Variants in CHST5 observed in about 807,000 individuals in gnomAD.
The protein encoded by CHST5 is GST4-alpha.
For missense variants in CHST5, 637 were observed against 602.1 expected (o/e 1.06, Z -0.61); for synonymous variants, 313 against 279.2 (o/e 1.12, Z -1.21).
chr16:75,530,396 A>G lies in CHST5; in HGVS notation c.-12T>C, dbSNP rs1420886235. 6 of 1,510,320 alleles carry G rather than the reference A, an allele frequency of 4.0e-6. No individual in the cohort carries two copies. Among genetic ancestry groups the G allele is most frequent in the Admixed American group, 4.3e-5 (2 of 46,698 alleles). The allele number at this position is 1,510,320 out of a possible 1,614,324, so 93.6% of individuals were successfully genotyped here. ...GCCCTCATGCCCATCCCATGCCCCAATTACTGCCCAGTGCCCTCAGGGATC... is the reference window on the plus strand; with the variant it reads ...GCCCTCATGCCCATCCCATGCCCCAGTTACTGCCCAGTGCCCTCAGGGATC... On this transcript the variant is annotated 5_prime_UTR_variant, in exon 4 of 4. Transcript: ENST00000336257.
At chr16:75,533,218 A>G (rs1248692403) in intron 2 of CHST5, 35 bp from the exon 3 acceptor site, 5 of 702,258 alleles carry the variant, frequency 7.1e-6, no homozygotes, top group Non-Finnish European at 1.3e-5. Context: ...ACAGTGGACA[A>G]TTGGCCAAGG....
Position 75,535,187 on chromosome 16 carries a change from G to A in CHST5, c.-1412C>T, listed in dbSNP as rs1398298055. On this transcript the variant is annotated 5_prime_UTR_variant, in exon 2 of 4. Coordinates refer to ENST00000336257, the MANE Select transcript of CHST5 (RefSeq NM_024533.5). Reference sequence around the variant, plus strand: ...CAGCCAGAGGGACGCCTCTCCCCCTGGGCTCAGCAAAAGCTCCCAGACGTC... The same window carrying A: ...CAGCCAGAGGGACGCCTCTCCCCCTAGGCTCAGCAAAAGCTCCCAGACGTC... 1 of 152,324 alleles carries A rather than the reference G, an allele frequency of 6.6e-6. No individual in the cohort carries two copies. The highest frequency in any genetic ancestry group is 2.4e-5 in the African/African-American group (1 of 41,454). 9.4% of individuals were successfully genotyped at this position (152,324 alleles called of 1,614,324 possible).
chr16:75,534,713 C>G (rs1406819204), intron 2 of CHST5, among the ~76,000 whole-genome samples: 2 of 152,202 alleles, frequency 1.3e-5, no homozygotes. Context: ...CCCAGAGGGC[C>G]TTTCCTAAAG....
In CHST5 at chr16:75,529,361, G is replaced by A. The variant is rs1469638509; in HGVS notation, c.1024C>T (p.His342Tyr). ...TTGCGCGCATTCCTAGACGAAGTAT[G>A]GAAGGCCTCGATTGGCTTGCCGATC... ...SGIGKPIEAF[H>Y]TSSRNARNVS... The change falls in exon 4 of 4, where the codon CAT (histidine) becomes TAT (tyrosine). Residue 342 changes from histidine to tyrosine, a missense_variant. Coordinates refer to ENST00000336257, the MANE Select transcript of CHST5 (RefSeq NM_024533.5). 1 of 1,613,236 alleles carries A rather than the reference G, an allele frequency of 6.2e-7. No individual in the cohort carries two copies. Among genetic ancestry groups the A allele is most frequent in the African/African-American group, 1.3e-5 (1 of 75,068 alleles).
rs371668265 is a variant in CHST5 at position 75,530,208 on chromosome 16, G to A, written c.177C>T (p.Gly59=). ...GCACCAGCACGTGCACACGATCCTC[G>A]CCGCCGGCTGGGGATGAGGGCCCTG... ...SRPGPSSPAG[G]EDRVHVLVLS... is the part of the protein sequence containing the mutation. The change falls in exon 4 of 4, where the codon GGC becomes GGT. Residue 59 remains glycine, a synonymous_variant. Transcript: ENST00000336257. 6.0e-5 allele frequency: 97 copies of A among 1,613,542 alleles called. No individual in the cohort carries two copies. Among genetic ancestry groups the A allele is most frequent in the Non-Finnish European group, 7.5e-5 (88 of 1,179,990 alleles).
rs1435529618 is a variant in CHST5 at position 75,530,412 on chromosome 16, C to T, written c.-28G>A. Reference sequence around the variant, plus strand: ...CATGCCCCAATTACTGCCCAGTGCCCTCAGGGATCAGCCCTCAGATTCGGC... The same window carrying T: ...CATGCCCCAATTACTGCCCAGTGCCTTCAGGGATCAGCCCTCAGATTCGGC... On this transcript the variant is annotated 5_prime_UTR_variant, in exon 4 of 4. Coordinates refer to ENST00000336257, the MANE Select transcript of CHST5 (RefSeq NM_024533.5). 9.4e-6 allele frequency: 14 copies of T among 1,488,676 alleles called. No homozygotes were observed. The highest frequency in any genetic ancestry group is 1.3e-5 in the Non-Finnish European group (14 of 1,115,798). 92.2% of individuals were successfully genotyped at this position (1,488,676 alleles called of 1,614,324 possible). A position where few individuals can be genotyped will look rare whatever the true frequency, so the allele number is the denominator to read the frequency against.
intron 2 of CHST5, among the ~76,000 whole-genome samples, 195 bp from the exon 3 acceptor site, chr16:75,533,378 C>T (rs772727164): frequency 6.6e-6 from 1 of 152,106 alleles, no homozygotes; most frequent in Admixed American, 6.6e-5. Context: ...GACATTAATA[C>T]CCAGTAAGAA....
intron 1 of CHST5, among the ~76,000 whole-genome samples, 109 bp downstream of exon 1, chr16:75,535,935 T>A (rs2080558314): frequency 6.6e-6 from 1 of 152,144 alleles, no homozygotes; most frequent in South Asian, 2.1e-4. Context: ...GGAAGTCGAA[T>A]CTTAATCTTG....
Position 75,529,534 on chromosome 16 carries a change from G to C in CHST5, c.851C>G (p.Pro284Arg). ...CAGGCGGTAGCGGCCGCGCAGGAAG[G>C]GTGGCGGCTTGAGTGTGGCGGCCTC... ...IAEAATLKPP[P>R]FLRGRYRLVR... is the part of the protein sequence containing the mutation. Residue 284 changes from proline to arginine, a missense_variant, in exon 4 of 4, where the codon CCC (proline) becomes CGC (arginine). Transcript: ENST00000336257. 1 of 1,610,088 alleles carries C rather than the reference G, an allele frequency of 6.2e-7. No homozygotes were observed. The highest frequency in any genetic ancestry group is 1.3e-5 in the African/African-American group (1 of 75,032).
intron 2 of CHST5, among the ~76,000 whole-genome samples, chr16:75,534,676 T>C (rs1368206480): frequency 2.0e-5 from 3 of 152,070 alleles, no homozygotes; most frequent in African/African-American, 7.2e-5. Context: ...AAAAAAACAT[T>C]TCCTAGGCAC....
Position 75,529,334 on chromosome 16 carries a change from C to T in CHST5, c.1051G>A (p.Val351Ile). 1 of 1,613,172 alleles carries T rather than the reference C, an allele frequency of 6.2e-7. No individual in the cohort carries two copies. Residue 351 changes from valine (V) to isoleucine (I), a missense_variant, in exon 4 of 4, where the codon GTC becomes ATC. Physicochemically the swap from Val to Ile is conservative, Grantham distance 29. Coordinates refer to ENST00000336257, the MANE Select transcript of CHST5 (RefSeq NM_024533.5). Reference sequence around the variant, plus strand: ...AACGCGTGGCGCCAGGCCTGGGAGACGTTGCGCGCATTCCTAGACGAAGTA... The same window carrying T: ...AACGCGTGGCGCCAGGCCTGGGAGATGTTGCGCGCATTCCTAGACGAAGTA... The part of the protein sequence containing the change: ...FHTSSRNARN[V>I]SQAWRHALPF...
chr16:75,529,705 C>T lies in CHST5; in HGVS notation c.680G>A (p.Arg227Gln). The change falls in exon 4 of 4, where the codon CGG (arginine) becomes CAG (glutamine). Residue 227 changes from arginine to glutamine, a missense_variant. Coordinates refer to ENST00000336257, the MANE Select transcript of CHST5 (RefSeq NM_024533.5). The stretch of plus-strand genomic sequence containing the variant: ...CGCCTCCCGGGAGCGCAGCACGGCC[C>T]GCGGGTCGCGCACCAGGTGCACGAT... ...LRIVHLVRDP[R>Q]AVLRSREAAG... 10 of 1,611,372 alleles carry T rather than the reference C, an allele frequency of 6.2e-6. No homozygotes were observed. Among genetic ancestry groups the T allele is most frequent in the South Asian group, 1.1e-5 (1 of 90,992 alleles).
rs1195389904 is a variant in CHST5 at position 75,529,144 on chromosome 16, A to G, written c.*5T>C. On this transcript the variant is annotated 3_prime_UTR_variant, in exon 4 of 4. Transcript: ENST00000336257. ...GTTCGGGGCCTGCTCTAAGGCCCAG[A>G]GTTCTCAGTCAGGCGATGCCCAGCT... is the stretch of plus-strand genomic sequence containing the variant. 6.4e-7 allele frequency: 1 copy of G among 1,562,812 alleles called. No homozygotes were observed. The highest frequency in any genetic ancestry group is 1.8e-5 in the Admixed American group (1 of 55,096).
rs1424765396 is a variant in CHST5, at chr16:75,531,558, C to A, written c.-1174G>T. On this transcript the variant is annotated 5_prime_UTR_variant, in exon 4 of 4. Coordinates refer to ENST00000336257, the MANE Select transcript of CHST5 (RefSeq NM_024533.5). ...AGGTGAGAGCAGAGTACTGTCCTGG[C>A]CAGCTGAGGGGACTCACCACCGTCC... 7.7e-7 allele frequency: 1 copy of A among 1,303,606 alleles called. No individual in the cohort carries two copies. The highest frequency in any genetic ancestry group is 1.2e-5 in the South Asian group (1 of 80,988). The allele number at this position is 1,303,606 out of a possible 1,614,324, so 80.8% of individuals were successfully genotyped here.
chr16:75,533,108 G>C lies in CHST5; in HGVS notation c.-1276C>G. The C allele has an allele frequency of 1.4e-6, 1 of 702,152 alleles. No homozygotes were observed. The highest frequency in any genetic ancestry group is 1.5e-5 in the South Asian group (1 of 67,542). 43.5% of individuals were successfully genotyped at this position (702,152 alleles called of 1,614,324 possible). On this transcript the variant is annotated 5_prime_UTR_variant, in exon 3 of 4. Transcript: ENST00000336257. ...TGTTACCTGTGTTCCAGGAAAGCCA[G>C]AGGTCTTCTTAAGGTGGTTGAATCA...
intron 2 of CHST5, among the ~76,000 whole-genome samples, chr16:75,534,336 G>GA (rs1396643061): frequency 6.6e-6 from 1 of 151,624 alleles, no homozygotes; most frequent in Admixed American, 6.6e-5. Context: ...GACCCCATCT[G>GA]AAAAAACAAA....
rs2080484061 is a variant in CHST5 at position 75,528,838 on chromosome 16, G to A, written c.*311C>T. On this transcript the variant is annotated 3_prime_UTR_variant, in exon 4 of 4. Coordinates refer to ENST00000336257, the MANE Select transcript of CHST5 (RefSeq NM_024533.5). ...GCTGGGATTACAGGCATGAGCCACC[G>A]CACCCGGCCTGGCACACATTTAATT... The A allele has an allele frequency of 4.2e-6, 1 of 239,476 alleles. No individual in the cohort carries two copies. Among genetic ancestry groups the A allele is most frequent in the Non-Finnish European group, 8.1e-6 (1 of 123,478 alleles). 14.8% of individuals were successfully genotyped at this position (239,476 alleles called of 1,614,324 possible).
Position 75,531,503 on chromosome 16 carries a change from G to A in CHST5, c.-1119C>T. On this transcript the variant is annotated 5_prime_UTR_variant, in exon 4 of 4. Transcript: ENST00000336257. ...GGGTTTGCAAGAAGATCAGTTGATGGGGAGCTGGGATGGAGCCCAAGAAGC... is the reference window on the plus strand; with the variant it reads ...GGGTTTGCAAGAAGATCAGTTGATGAGGAGCTGGGATGGAGCCCAAGAAGC... 7.7e-7 allele frequency: 1 copy of A among 1,296,454 alleles called. No individual in the cohort carries two copies. The highest frequency in any genetic ancestry group is 5.6e-5 in the East Asian group (1 of 17,876). 80.3% of individuals were successfully genotyped at this position (1,296,454 alleles called of 1,614,324 possible).
intron 2 of CHST5, among the ~76,000 whole-genome samples, chr16:75,534,038 CAAAAAA>C (rs35062691): frequency 1.2e-5 from 1 of 81,240 alleles, no homozygotes; most frequent in African/African-American, 4.1e-5. Flanking sequence ...AACTCCATAT[CAAAAAA>C]AAAAAAAAAA....
Sources: gnomAD v4.1 joint callset for allele counts (sites outside exome capture counted in the v4.1 genomes callset) on GRCh38, gnomAD v4.1.1 for gene constraint, MANE v1.5 for transcripts, NCBI Gene and HGNC (gene_info 2026-07-23, HGNC 2026-07-21) for gene names.